ERICH3: variants seen among roughly 807,000 people sequenced by gnomAD.
ERICH3 encodes glutamate rich 3.
Under a neutral mutation model 131.1 loss-of-function variants are expected in ERICH3, and 126 were observed. That is an observed-to-expected ratio of 0.96 (90% CI 0.83 to 1.11). The LOEUF (loss-of-function observed/expected upper bound fraction) is 1.11. Ranked by LOEUF, ERICH3 falls within the 50% of genes most tolerant of loss-of-function variation. The pLI, the probability that ERICH3 is intolerant of heterozygous loss-of-function variation, is 0.00. For missense variants in ERICH3, 2,050 were observed against 1,810.7 expected (o/e 1.13, Z -2.40); for synonymous variants, 695 against 644.6 (o/e 1.08, Z -1.18).
At chr1:74,583,918 T>C (rs1162418207) in intron 12 of ERICH3, among the ~76,000 whole-genome samples, 1 of 152,184 alleles carries the variant, frequency 6.6e-6, no homozygotes, top group South Asian at 2.1e-4. Context: ...ATGTTAAGAA[T>C]CCTGAGCAAC....
intron 1 of ERICH3, among the ~76,000 whole-genome samples, chr1:74,657,948 A>G (rs926596567): frequency 3.9e-5 from 6 of 152,348 alleles, no homozygotes; most frequent in Non-Finnish European, 8.8e-5. Context: ...AAAGGTGACC[A>G]GAATGGAAAC....
intron 7 of ERICH3, among the ~76,000 whole-genome samples, chr1:74,628,168 T>G (rs926138676): frequency 6.6e-6 from 1 of 152,196 alleles, no homozygotes; most frequent in African/African-American, 2.4e-5. Context: ...AATTCATCTC[T>G]TTAGTAAATC....
intron 13 of ERICH3, among the ~76,000 whole-genome samples, chr1:74,575,442 A>G (rs1647032707): frequency 1.3e-5 from 2 of 152,242 alleles, no homozygotes; most frequent in South Asian, 4.1e-4. Flanking sequence ...AAGCTTCCAA[A>G]GCAAAATGTA....
intron 13 of ERICH3, among the ~76,000 whole-genome samples, chr1:74,576,370 T>C (rs965556356): frequency 4.6e-5 from 7 of 152,200 alleles, no homozygotes; most frequent in African/African-American, 1.7e-4. Context: ...GTTCCTCTAG[T>C]TGAATGCCCA....
In ERICH3 at chr1:74,573,145, C is replaced by T. The variant is rs372137519; in HGVS notation, c.2565G>A (p.Gly855=). 9.7e-5 allele frequency: 157 copies of T among 1,612,638 alleles called. No homozygotes were observed. The East Asian group carries it at 1.7e-3, about 17-fold the overall frequency. The change falls in exon 14 of 15, where the codon GGG becomes GGA. Residue 855 remains glycine (G), a synonymous_variant. Coordinates refer to ENST00000326665, the MANE Select transcript of ERICH3 (RefSeq NM_001002912.5). The stretch of plus-strand genomic sequence containing the variant: ...CTGCTGCTTGTCCTATGGGGTCTGA[C>T]CCCCCTTCACCCAGCCTTCTGACCC... ...AEGVRRLGEG[G]SDPIGQAAAK...
At chr1:74,621,038 A>G (rs528837327) in intron 7 of ERICH3, 124 bp from the exon 8 acceptor site, 1 of 759,896 alleles carries the variant, frequency 1.3e-6, no homozygotes, top group South Asian at 3.4e-5. Flanking sequence ...AATCTAAATA[A>G]AGTGTCAATT....
chr1:74,626,658 G>A (rs78361244), intron 7 of ERICH3, among the ~76,000 whole-genome samples: 2,538 of 152,212 alleles, frequency 0.017, 27 homozygotes, highest in Non-Finnish European at 0.026. Context: ...AGACTACCTC[G>A]ATCCTGAGTG....
chr1:74,606,660 C>T lies in ERICH3; in HGVS notation c.1430G>A (p.Ser477Asn), dbSNP rs752742748. The T allele has an allele frequency of 1.9e-6, 3 of 1,612,692 alleles. No homozygotes were observed. Among genetic ancestry groups the T allele is most frequent in the South Asian group, 1.1e-5 (1 of 90,940 alleles). Residue 477 changes from serine to asparagine, a missense_variant, in exon 10 of 15, where the codon AGT becomes AAT. Ser to Asn is a conservative substitution (Grantham distance 46). Transcript: ENST00000326665. ...GACTTCTTGTCCTGGTTTTCCTTTA[C>T]TTGTCATTTCCTCCACAGCAGTTAC... ...EVVTAVEEMTSKGKPGQEVLE... is the reference protein window; with the variant it reads ...EVVTAVEEMTNKGKPGQEVLE...
At chr1:74,580,709 G>T (rs1647162870) in intron 12 of ERICH3, among the ~76,000 whole-genome samples, 2 of 152,116 alleles carry the variant, frequency 1.3e-5, no homozygotes. Flanking sequence ...CTTCTGTTAT[G>T]ATGTTTGCTT....
intron 11 of ERICH3, among the ~76,000 whole-genome samples, chr1:74,590,656 G>C (rs1372517394): frequency 2.6e-5 from 4 of 152,168 alleles, no homozygotes; most frequent in African/African-American, 9.6e-5. Flanking sequence ...TGTAAATACA[G>C]ATAAAACTTC....
chr1:74,641,332 A>C lies in ERICH3; in HGVS notation c.443T>G (p.Leu148Arg). The C allele has an allele frequency of 1.2e-6, 2 of 1,612,074 alleles. No homozygotes were observed. Among genetic ancestry groups the C allele is most frequent in the Non-Finnish European group, 1.7e-6 (2 of 1,179,142 alleles). The stretch of plus-strand genomic sequence containing the variant: ...GACGAAGTGTTTAATATTACTCACC[A>C]GTGCTAACGGACTGGAATGTCCTTC... ...VDEGHSSPLALTAPRPYTAPG... is the reference protein window; with the variant it reads ...VDEGHSSPLARTAPRPYTAPG... Residue 148 changes from leucine (L) to arginine (R), a missense_variant and splice_region_variant, in exon 5 of 15, where the codon CTG (leucine) becomes CGG (arginine). Physicochemically the swap from Leu to Arg is moderately radical, Grantham distance 102. Coordinates refer to ENST00000326665, the MANE Select transcript of ERICH3 (RefSeq NM_001002912.5).
chr1:74,574,737 A>T (rs561095386), intron 13 of ERICH3, among the ~76,000 whole-genome samples: 26 of 152,332 alleles, frequency 1.7e-4, no homozygotes, highest in African/African-American at 6.0e-4. Flanking sequence ...TTTTAATGGA[A>T]CAAAGTGGAT....
chr1:74,590,953 T>C (rs188794733), intron 11 of ERICH3, among the ~76,000 whole-genome samples: 2 of 152,336 alleles, frequency 1.3e-5, no homozygotes, highest in Admixed American at 1.3e-4. Flanking sequence ...ATCCTTTGTC[T>C]CTTCAACAAA....
At chr1:74,622,288 C>G (rs1349339836) in intron 7 of ERICH3, 1 of 152,130 alleles carries the variant, frequency 6.6e-6, no homozygotes, top group Non-Finnish European at 1.5e-5. Context: ...ATTTTCTTGC[C>G]TGTTGGAAGG....
chr1:74,670,618 C>T (rs1037018518), intron 1 of ERICH3, among the ~76,000 whole-genome samples: 1 of 152,160 alleles, frequency 6.6e-6, no homozygotes, highest in Admixed American at 6.5e-5. Flanking sequence ...TGAGGATGTA[C>T]ATCACGTCAG....
At chr1:74,576,674 C>T (rs1476004483) in intron 13 of ERICH3, among the ~76,000 whole-genome samples, 4 of 152,026 alleles carry the variant, frequency 2.6e-5, no homozygotes, top group Non-Finnish European at 4.4e-5. Context: ...ATGACAATTA[C>T]TAAAATTGAA....
At chr1:74,636,525 G>C (rs1646391236) in intron 5 of ERICH3, 87 bp from the exon 6 acceptor site, 1 of 1,282,222 alleles carries the variant, frequency 7.8e-7, no homozygotes, top group Non-Finnish European at 1.1e-6. Context: ...ATTGCCTAGA[G>C]TAATTAATGG....
intron 1 of ERICH3, among the ~76,000 whole-genome samples, chr1:74,656,869 G>A (rs1646589945): frequency 6.6e-6 from 1 of 152,064 alleles, no homozygotes; most frequent in Non-Finnish European, 1.5e-5. Context: ...CCTTCCACCA[G>A]AATTTCTTTC....
chr1:74,663,437 A>G (rs1646660663), intron 1 of ERICH3, among the ~76,000 whole-genome samples: 1 of 152,144 alleles, frequency 6.6e-6, no homozygotes. Flanking sequence ...TTGACTGGCT[A>G]CTAGAAGCCA....
Sources: allele counts gnomAD v4.1 joint callset (sites outside exome capture counted in the v4.1 genomes callset), GRCh38; gene constraint gnomAD v4.1.1; transcripts MANE v1.5; gene names NCBI Gene and HGNC (gene_info 2026-07-23, HGNC 2026-07-21).